Variants in PTPRC observed in about 807,000 individuals in gnomAD.
PTPRC encodes the protein receptor-type tyrosine-protein phosphatase C.
Under a neutral mutation model 155.9 loss-of-function variants are expected in PTPRC, and 44 were observed. The ratio of observed to expected loss-of-function variants is 0.28; its 90% CI spans 0.22 to 0.36. The LOEUF (loss-of-function observed/expected upper bound fraction) is 0.36, where lower values mean the gene tolerates loss of function less well. Among genes scored for constraint, PTPRC ranks in the 10% least tolerant of loss-of-function variants. PTPRC has a pLI of 1.00. For synonymous variants in PTPRC, 525 were observed against 533.1 expected (o/e 0.98, Z 0.21); for missense variants, 1,401 against 1,564.6 (o/e 0.90, Z 1.76).
At chr1:198,695,383 T>C (rs1266797956) in intron 3 of PTPRC, among the ~76,000 whole-genome samples, 1 of 148,262 alleles carries the variant, frequency 6.7e-6, no homozygotes, top group Admixed American at 6.7e-5. Context: ...ATATTTAAAT[T>C]TTTTTTTTTG....
At position 198,639,077 on chromosome 1, in the gene PTPRC, G is replaced by A; in HGVS notation, c.-104G>A. ...TAGCAGTTCATGCAGCTAGCAAGTG[G>A]TTTGTTCTTAGGGTAACAGAGGAGG... On this transcript the variant is annotated 5_prime_UTR_variant, in exon 1 of 33. Coordinates refer to ENST00000442510, the MANE Select transcript of PTPRC (RefSeq NM_002838.5). The A allele has an allele frequency of 1.7e-6, 1 of 594,046 alleles. No individual in the cohort carries two copies. Among genetic ancestry groups the A allele is most frequent in the South Asian group, 2.0e-5 (1 of 50,262 alleles). The allele number at this position is 594,046 out of a possible 1,614,324, so 36.8% of individuals were successfully genotyped here.
At chr1:198,751,236 G>C (rs996166818) in intron 29 of PTPRC, among the ~76,000 whole-genome samples, 5 of 151,906 alleles carry the variant, frequency 3.3e-5, no homozygotes, top group Admixed American at 6.6e-5. Context: ...TGCCATAAAA[G>C]TCTATAGTTG....
chr1:198,661,944 C>T, intron 2 of PTPRC, among the ~76,000 whole-genome samples: 1 of 152,162 alleles, frequency 6.6e-6, no homozygotes, highest in East Asian at 1.9e-4. Flanking sequence ...ATTTCAATTT[C>T]ATTTATAATG....
rs141976921 is a variant in PTPRC, at chr1:198,654,376, A to G, written c.73+15035A>G. ...AAAAATTAGCTAGTGGATTGAAACA[A>G]CAATGTGATAGCTAAGATTTCATTC... On this transcript the variant is annotated intron_variant, in intron 2 of 32. Coordinates refer to ENST00000442510, the MANE Select transcript of PTPRC (RefSeq NM_002838.5). Among the ~76,000 whole-genome samples the G allele has an allele frequency of 3.6e-3, 543 of 152,032 alleles. 3 individuals are homozygous for G. Among genetic ancestry groups the G allele is most frequent in the African/African-American group, 0.011 (475 of 41,542 alleles).
intron 2 of PTPRC, among the ~76,000 whole-genome samples, chr1:198,665,547 T>C (rs1267732321): frequency 6.6e-6 from 1 of 152,102 alleles, no homozygotes; most frequent in South Asian, 2.1e-4. Context: ...CAATGGCAGG[T>C]CCCCGTGGTT....
At chr1:198,683,597 G>T (rs1665458791) in intron 2 of PTPRC, among the ~76,000 whole-genome samples, 4 of 152,154 alleles carry the variant, frequency 2.6e-5, no homozygotes, top group African/African-American at 2.4e-5. Context: ...CTTAACCCTT[G>T]TTTCCATCAT....
In PTPRC at chr1:198,753,305, T is replaced by TATC. The variant is rs1469112617; in HGVS notation, c.3509+535_3509+537dup. On this transcript the variant is annotated intron_variant, in intron 31 of 32. Transcript: ENST00000442510. ...GAACCAAAGGCAAAGATTGTGGTAA[T>TATC]ATCAATAATACTACTAGATTTTATT... is the stretch of plus-strand genomic sequence containing the variant. Among the ~76,000 whole-genome samples, 8 of 152,164 alleles carry TATC rather than the reference T, an allele frequency of 5.3e-5. No individual in the cohort carries two copies. In the East Asian group the frequency reaches 1.6e-3, roughly 30 times the overall value.
rs148321861 is a variant in PTPRC, at chr1:198,708,248, C to T, written c.1020C>T (p.Tyr340=). The change falls in exon 10 of 33, where the codon TAC becomes TAT. Residue 340 remains tyrosine, a synonymous_variant. Coordinates refer to ENST00000442510, the MANE Select transcript of PTPRC (RefSeq NM_002838.5). ...TFTCDTQNIT[Y]RFQCGNMIFD... is the part of the protein sequence containing the mutation. Reference sequence around the variant, plus strand: ...CTTGTGATACACAGAATATTACCTACAGATTTCAGTGTGGTAAGAATATAA... The same window carrying T: ...CTTGTGATACACAGAATATTACCTATAGATTTCAGTGTGGTAAGAATATAA... 5.1e-5 allele frequency: 82 copies of T among 1,606,740 alleles called. No homozygotes were observed. The East Asian group carries it at 6.5e-4, about 13-fold the overall frequency.
rs368352554 is a variant in PTPRC, at chr1:198,699,710, C to T, written c.439+6C>T. ...AGGCAGCAATGCTATCTCAGGTTTGCGGGTCCTTTAGACTTGTGCAAATAT... is the reference window on the plus strand; with the variant it reads ...AGGCAGCAATGCTATCTCAGGTTTGTGGGTCCTTTAGACTTGTGCAAATAT... On this transcript the variant is annotated splice_donor_region_variant and intron_variant, in intron 5 of 32. Transcript: ENST00000442510. The T allele has an allele frequency of 6.2e-7, 1 of 1,613,990 alleles. No individual in the cohort carries two copies. The highest frequency in any genetic ancestry group is 1.3e-5 in the African/African-American group (1 of 74,920).
intron 23 of PTPRC, among the ~76,000 whole-genome samples, chr1:198,740,607 C>T (rs1217367158): frequency 6.6e-6 from 1 of 151,642 alleles, no homozygotes; most frequent in Non-Finnish European, 1.5e-5. Context: ...ATTGACAAAC[C>T]TTTAGTCAGA....
intron 14 of PTPRC, among the ~76,000 whole-genome samples, chr1:198,720,790 A>AT (rs778349461): frequency 2.6e-4 from 39 of 152,058 alleles, no homozygotes; most frequent in Non-Finnish European, 4.9e-4. Flanking sequence ...TGCTATATAT[A>AT]TTTTTTCAAA....
At chr1:198,727,395 T>C (rs552413027) in intron 15 of PTPRC, among the ~76,000 whole-genome samples, 1 of 152,252 alleles carries the variant, frequency 6.6e-6, no homozygotes, top group Non-Finnish European at 1.5e-5. Flanking sequence ...CCCTTGTTTT[T>C]CTTTATGTAG....
chr1:198,750,455 G>A (rs1451134487), intron 28 of PTPRC, 37 bp from the exon 29 acceptor site: 2 of 1,595,482 alleles, frequency 1.3e-6, no homozygotes, highest in African/African-American at 1.3e-5. Context: ...GCTCTCTTCT[G>A]TAGTAACGAA....
At chr1:198,715,381 C>T (rs886166754) in intron 12 of PTPRC, among the ~76,000 whole-genome samples, 2 of 152,158 alleles carry the variant, frequency 1.3e-5, no homozygotes, top group Admixed American at 6.5e-5. Context: ...CCGCCCGCCT[C>T]GGCCTCCCAA....
At chr1:198,652,568 C>CT (rs373397106) in intron 2 of PTPRC, among the ~76,000 whole-genome samples, 59,181 of 146,074 alleles carry the variant, frequency 0.41, 12,260 homozygotes, top group East Asian at 0.68. Flanking sequence ...AAATATTACC[C>CT]TTTTTTTTTT....
At chr1:198,653,360 G>A (rs556192120) in intron 2 of PTPRC, among the ~76,000 whole-genome samples, 58 of 151,742 alleles carry the variant, frequency 3.8e-4, no homozygotes, top group African/African-American at 1.4e-3. Flanking sequence ...CGATAAAGGA[G>A]TATAGAAATT....
intron 25 of PTPRC, among the ~76,000 whole-genome samples, chr1:198,743,067 C>CAAAAAAAAAAAAAAAAAAAAAAAAAAAAA (rs10628640): frequency 1.3e-5 from 1 of 75,952 alleles, no homozygotes; most frequent in African/African-American, 5.1e-5. Flanking sequence ...GTCAAAATAG[C>CAAAAAAAAAAAAAAAAAAAAAAAAAAAAA]AAAAAAAAAA....
Position 198,749,419 on chromosome 1 carries a change from A to T in PTPRC, c.2942A>T (p.Asp981Val). 1 of 1,608,310 alleles carries T rather than the reference A, an allele frequency of 6.2e-7. No homozygotes were observed. Among genetic ancestry groups the T allele is most frequent in the Non-Finnish European group, 8.5e-7 (1 of 1,175,854 alleles). ...ACTACTGATTTATTTCACATAGATG[A>T]CTATAACAGAGTGCCACTTAAACAT... The part of the protein sequence containing the change: ...KNRNSNVIPY[D>V]YNRVPLKHEL... The change falls in exon 28 of 33, where the codon GAC (aspartate) becomes GTC (valine). Residue 981 changes from aspartate to valine, a missense_variant. Physicochemically the swap from Asp to Val is radical, Grantham distance 152. Coordinates refer to ENST00000442510, the MANE Select transcript of PTPRC (RefSeq NM_002838.5).
At chr1:198,680,595 A>T (rs952121893) in intron 2 of PTPRC, among the ~76,000 whole-genome samples, 2 of 152,110 alleles carry the variant, frequency 1.3e-5, no homozygotes, top group African/African-American at 4.8e-5. Context: ...CAGGAAAGAG[A>T]CACATCAGTG....
Sources: gnomAD v4.1 joint callset for allele counts (sites outside exome capture counted in the v4.1 genomes callset) on GRCh38, gnomAD v4.1.1 for gene constraint, MANE v1.5 for transcripts, NCBI Gene and HGNC (gene_info 2026-07-23, HGNC 2026-07-21) for gene names.